The following CCSER2 variants were observed in gnomAD, a reference collection of about 807,000 sequenced individuals.
CCSER2 encodes serine-rich coiled-coil domain-containing protein 2.
Under a neutral mutation model 92.3 loss-of-function variants are expected in CCSER2, and 46 were observed. That is an observed-to-expected ratio of 0.50 (90% CI 0.39 to 0.64). The LOEUF (loss-of-function observed/expected upper bound fraction) is 0.64. Among genes scored for constraint, CCSER2 ranks in the 30% least tolerant of loss-of-function variants. CCSER2 has a pLI of 0.00. For missense variants in CCSER2, 1,244 were observed against 1,238.9 expected, an observed-to-expected ratio of 1.00 and a Z score of -0.06; for synonymous variants, 433 against 431.4, an observed-to-expected ratio of 1.00 and a Z score of -0.04.
intron 3 of CCSER2, among the ~76,000 whole-genome samples, chr10:84,399,548 G>A (rs1044430101): frequency 6.6e-6 from 1 of 152,142 alleles, no homozygotes; most frequent in Non-Finnish European, 1.5e-5. Context: ...CACTAAATAT[G>A]TTTTGGGTAC....
intron 3 of CCSER2, among the ~76,000 whole-genome samples, chr10:84,406,999 A>G (rs772230140): frequency 2.1e-4 from 32 of 152,206 alleles, no homozygotes; most frequent in Admixed American, 5.2e-4. Context: ...TCCCCAAAAG[A>G]TGGACAAGGG....
chr10:84,457,820 C>T (rs1482790093), intron 6 of CCSER2, among the ~76,000 whole-genome samples: 1 of 150,298 alleles, frequency 6.7e-6, no homozygotes, highest in African/African-American at 2.5e-5. Flanking sequence ...AGGCTCACTG[C>T]AACTTCCACT....
Position 84,501,834 on chromosome 10 carries a change from A to AAT in CCSER2, c.2326-11591_2326-11590dup, listed in dbSNP as rs1554868293. 1.0e-2 allele frequency among the ~76,000 whole-genome samples: 400 copies of AAT among 40,138 alleles called. 37 individuals carry two copies. Among genetic ancestry groups the AAT allele is most frequent in the Middle Eastern group, 0.028 (1 of 36 alleles). The allele number at this position is 40,138 out of a possible 152,430, so 26.3% of individuals were successfully genotyped here. A position where few individuals can be genotyped will look rare whatever the true frequency, so the allele number is the denominator to read the frequency against. Reference sequence around the variant, plus strand: ...TTAGTCATCTAGGGAAAAAAAAAAAAATATATATATATATATATATATATA... The same window carrying AAT: ...TTAGTCATCTAGGGAAAAAAAAAAAAATATATATATATATATATATATATATA... On this transcript the variant is annotated intron_variant, in intron 9 of 9. Transcript: ENST00000372088.
chr10:84,412,357 G>A (rs919021112), intron 3 of CCSER2, among the ~76,000 whole-genome samples: 4 of 151,922 alleles, frequency 2.6e-5, no homozygotes, highest in African/African-American at 9.7e-5. Context: ...ATAGTTTTAA[G>A]TAGAACTGCT....
At chr10:84,334,849 C>T (rs1843744536) in intron 1 of CCSER2, among the ~76,000 whole-genome samples, 3 of 152,162 alleles carry the variant, frequency 2.0e-5, no homozygotes, top group African/African-American at 2.4e-5. Flanking sequence ...TTCAGGCCAT[C>T]CTTACCCTCT....
intron 1 of CCSER2, among the ~76,000 whole-genome samples, chr10:84,367,020 GCTCCAGCA>G (rs1417560042): frequency 5.3e-5 from 8 of 152,090 alleles, no homozygotes; most frequent in African/African-American, 1.9e-4. Context: ...ATCCCCAGAG[GCTCCAGCA>G]TTTCTTTGGA....
At chr10:84,343,024 C>CACTATA (rs1240444084) in intron 1 of CCSER2, among the ~76,000 whole-genome samples, 2 of 152,106 alleles carry the variant, frequency 1.3e-5, no homozygotes, top group Non-Finnish European at 2.9e-5. Flanking sequence ...AGGCACCTGC[C>CACTATA]ACTACACTCA....
At chr10:84,438,921 G>A (rs1054000218) in intron 6 of CCSER2, among the ~76,000 whole-genome samples, 1 of 152,194 alleles carries the variant, frequency 6.6e-6, no homozygotes, top group Non-Finnish European at 1.5e-5. Context: ...GTATTTATGA[G>A]TTGTGTGATA....
chr10:84,376,818 C>A (rs747368095), intron 3 of CCSER2, among the ~76,000 whole-genome samples: 1 of 152,062 alleles, frequency 6.6e-6, no homozygotes, highest in Non-Finnish European at 1.5e-5. Context: ...AATGAACATT[C>A]CGGAAAATTC....
chr10:84,346,416 G>T (rs1844482752), intron 1 of CCSER2, among the ~76,000 whole-genome samples: 1 of 152,004 alleles, frequency 6.6e-6, no homozygotes, highest in Admixed American at 6.6e-5. Context: ...AATATTTTGT[G>T]CTGCTTGTCT....
At chr10:84,373,556 A>C in intron 2 of CCSER2, 63 bp from the exon 3 acceptor site, 1 of 1,281,858 alleles carries the variant, frequency 7.8e-7, no homozygotes, top group Non-Finnish European at 1.1e-6. Flanking sequence ...ATTAGCACTT[A>C]TATTTTTAGG....
At chr10:84,351,249 T>G (rs1055176037) in intron 1 of CCSER2, among the ~76,000 whole-genome samples, 3 of 152,024 alleles carry the variant, frequency 2.0e-5, no homozygotes, top group Admixed American at 1.3e-4. Context: ...TTTTGTTTTT[T>G]TTTTCCTTTG....
intron 3 of CCSER2, chr10:84,390,758 C>T: frequency 5.2e-6 from 2 of 385,418 alleles, no homozygotes; most frequent in Non-Finnish European, 9.6e-6. Flanking sequence ...ATGTCTTTCT[C>T]ATCCTACTTG....
chr10:84,436,353 A>AAAAAAAAG (rs59522717), intron 5 of CCSER2, among the ~76,000 whole-genome samples: 1 of 96,572 alleles, frequency 1.0e-5, no homozygotes, highest in African/African-American at 3.8e-5. Context: ...AAAAAAAAAA[A>AAAAAAAAG]TGCCGGGCGC....
chr10:84,495,085 G>A (rs542072777), intron 9 of CCSER2, among the ~76,000 whole-genome samples: 28 of 144,662 alleles, frequency 1.9e-4, no homozygotes, highest in Admixed American at 1.1e-3. Flanking sequence ...TCTCTTTTCT[G>A]TCTCTACTTC....
chr10:84,352,589 T>TCAC (rs979625438), intron 1 of CCSER2, among the ~76,000 whole-genome samples: 2 of 151,824 alleles, frequency 1.3e-5, no homozygotes, highest in East Asian at 1.9e-4. Context: ...AGAGTACCTA[T>TCAC]CACCACCACC....
intron 3 of CCSER2, among the ~76,000 whole-genome samples, chr10:84,381,254 T>C (rs1192447931): frequency 6.6e-6 from 1 of 152,198 alleles, no homozygotes; most frequent in Non-Finnish European, 1.5e-5. Context: ...TGCTTTCTAA[T>C]TGTTTTGTTT....
At chr10:84,480,659 G>A (rs1452459564) in intron 9 of CCSER2, among the ~76,000 whole-genome samples, 1 of 152,072 alleles carries the variant, frequency 6.6e-6, no homozygotes, top group Admixed American at 6.6e-5. Flanking sequence ...TTATTCTATA[G>A]CAAATATAGA....
chr10:84,344,426 T>C (rs1276030955), intron 1 of CCSER2, among the ~76,000 whole-genome samples: 1 of 152,206 alleles, frequency 6.6e-6, no homozygotes, highest in East Asian at 1.9e-4. Context: ...GAATATATGT[T>C]TCTTTATTGT....
Sources: allele counts gnomAD v4.1 joint callset (sites outside exome capture counted in the v4.1 genomes callset), GRCh38; gene constraint gnomAD v4.1.1; transcripts MANE v1.5; gene names NCBI Gene and HGNC (gene_info 2026-07-23, HGNC 2026-07-21).